TBX15: variants seen among roughly 807,000 people sequenced by gnomAD.
TBX15 encodes the protein T-box transcription factor 15.
Under a neutral mutation model 53.9 loss-of-function variants are expected in TBX15, and 18 were observed. The observed-to-expected ratio is 0.33, with a 90% CI of 0.23 to 0.49. TBX15 has a LOEUF of 0.49. TBX15 is among the 20% of genes least tolerant of loss of function. The probability of loss-of-function intolerance (pLI) is 0.98; values close to 1 mark genes in which losing one functional copy is unlikely to be tolerated. For missense variants in TBX15, 692 were observed against 749.5 expected (o/e 0.92, Z 0.90); for synonymous variants, 295 against 278.0 (o/e 1.06, Z -0.61).
At chr1:118,935,056 A>T (rs1655922649) in intron 1 of TBX15, among the ~76,000 whole-genome samples, 1 of 152,186 alleles carries the variant, frequency 6.6e-6, no homozygotes, top group Admixed American at 6.5e-5. Flanking sequence ...GCTCTTTTTA[A>T]AAAGCTTCTA....
At chr1:118,899,933 C>A (rs981665577) in intron 6 of TBX15, among the ~76,000 whole-genome samples, 3 of 151,586 alleles carry the variant, frequency 2.0e-5, no homozygotes, top group Admixed American at 1.3e-4. Flanking sequence ...TGCATACTGT[C>A]TTTTTACCCT....
At chr1:118,914,219 A>G (rs1655114750) in intron 5 of TBX15, 40 bp from the exon 6 acceptor site, 1 of 1,577,060 alleles carries the variant, frequency 6.3e-7, no homozygotes, top group Non-Finnish European at 8.7e-7. Context: ...TTTTATATTA[A>G]CTGATTTCTT....
chr1:118,943,656 A>AAAGGC (rs929602148), intron 1 of TBX15, among the ~76,000 whole-genome samples: 24 of 152,320 alleles, frequency 1.6e-4, no homozygotes, highest in African/African-American at 5.5e-4. Flanking sequence ...AAAGCTGCCC[A>AAAGGC]AAGGCATTGT....
chr1:118,956,083 A>G (rs1656680651), intron 1 of TBX15, among the ~76,000 whole-genome samples: 1 of 152,182 alleles, frequency 6.6e-6, no homozygotes, highest in Admixed American at 6.5e-5. Flanking sequence ...AGAAGGTGCT[A>G]TCTATGAATC....
At chr1:118,980,471 G>T (rs1406665552) in intron 1 of TBX15, among the ~76,000 whole-genome samples, 1 of 152,136 alleles carries the variant, frequency 6.6e-6, no homozygotes, top group African/African-American at 2.4e-5. Context: ...GCAACATTTT[G>T]GAAACTGTCA....
chr1:118,923,648 C>G (rs764713622), intron 4 of TBX15, 45 bp from the exon 5 acceptor site: 2 of 1,611,398 alleles, frequency 1.2e-6, no homozygotes, highest in African/African-American at 1.3e-5. Context: ...TTTAAGGAAC[C>G]TACATTTTGT....
intron 7 of TBX15, among the ~76,000 whole-genome samples, chr1:118,892,307 C>G (rs1654173760): frequency 6.6e-6 from 1 of 152,012 alleles, no homozygotes; most frequent in Non-Finnish European, 1.5e-5. Flanking sequence ...TATTAGTGTC[C>G]CTGGCAAATT....
intron 6 of TBX15, among the ~76,000 whole-genome samples, chr1:118,902,639 G>T (rs922891013): frequency 1.3e-5 from 2 of 152,160 alleles, no homozygotes; most frequent in African/African-American, 4.8e-5. Context: ...GATTGCGATT[G>T]TGCCTTTATT....
chr1:118,962,424 C>T (rs1158998074), intron 1 of TBX15, among the ~76,000 whole-genome samples: 1 of 152,080 alleles, frequency 6.6e-6, no homozygotes, highest in East Asian at 1.9e-4. Flanking sequence ...GTAAAGCAGG[C>T]TACTTACTCT....
At chr1:118,949,528 G>A (rs1490408528) in intron 1 of TBX15, among the ~76,000 whole-genome samples, 1 of 152,200 alleles carries the variant, frequency 6.6e-6, no homozygotes, top group Non-Finnish European at 1.5e-5. Context: ...TTTACTTTGT[G>A]GGAGTTTCTT....
At chr1:118,946,073 A>G (rs565260834) in intron 1 of TBX15, among the ~76,000 whole-genome samples, 2 of 152,332 alleles carry the variant, frequency 1.3e-5, no homozygotes, top group East Asian at 1.9e-4. Context: ...AGTATACAAT[A>G]TATAGCATCT....
At chr1:118,954,360 T>A (rs904869916) in intron 1 of TBX15, among the ~76,000 whole-genome samples, 2 of 152,214 alleles carry the variant, frequency 1.3e-5, no homozygotes, top group Admixed American at 6.5e-5. Context: ...AAGGCAGTTC[T>A]AAAAGCACCA....
At chr1:118,905,017 C>CA (rs546426052) in intron 6 of TBX15, among the ~76,000 whole-genome samples, 2 of 151,864 alleles carry the variant, frequency 1.3e-5, no homozygotes, top group African/African-American at 2.4e-5. Context: ...CAAAATGTAT[C>CA]AAAAAAAGAG....
chr1:118,885,808 T>C (rs771833567), intron 7 of TBX15, among the ~76,000 whole-genome samples: 9 of 152,190 alleles, frequency 5.9e-5, no homozygotes, highest in African/African-American at 9.7e-5. Flanking sequence ...GTCCTTTGTA[T>C]AAAAATAACA....
chr1:118,987,204 C>T (rs937062561), intron 1 of TBX15, among the ~76,000 whole-genome samples: 1 of 152,232 alleles, frequency 6.6e-6, no homozygotes, highest in Non-Finnish European at 1.5e-5. Flanking sequence ...GAACGCCGCG[C>T]CAGTCCTCCC....
chr1:118,917,686 C>A (rs1305128973), intron 5 of TBX15, among the ~76,000 whole-genome samples: 1 of 152,194 alleles, frequency 6.6e-6, no homozygotes, highest in African/African-American at 2.4e-5. Flanking sequence ...CATCTCTTGA[C>A]TGAACTATTC....
chr1:118,909,592 T>C (rs114704641), intron 6 of TBX15, among the ~76,000 whole-genome samples: 1,549 of 152,344 alleles, frequency 0.01, 29 homozygotes, highest in African/African-American at 0.036. Flanking sequence ...TGTTTTCTTT[T>C]TCTTCTTTGA....
At chr1:118,942,819 G>A (rs1275730082) in intron 1 of TBX15, among the ~76,000 whole-genome samples, 1 of 152,142 alleles carries the variant, frequency 6.6e-6, no homozygotes, top group African/African-American at 2.4e-5. Context: ...GATAAAATGG[G>A]GAAAGGATCA....
intron 5 of TBX15, among the ~76,000 whole-genome samples, chr1:118,921,586 G>A (rs1455172407): frequency 6.6e-6 from 1 of 152,222 alleles, no homozygotes; most frequent in Admixed American, 6.5e-5. Flanking sequence ...AGAGCAACAT[G>A]TGTAACTCGT....
Sources: allele counts gnomAD v4.1 joint callset (sites outside exome capture counted in the v4.1 genomes callset), GRCh38; gene constraint gnomAD v4.1.1; transcripts MANE v1.5; gene names NCBI Gene and HGNC (gene_info 2026-07-23, HGNC 2026-07-21).